The following PC variants were observed in gnomAD, a reference collection of about 807,000 sequenced individuals.
PC encodes pyruvate carboxylase, also known as pyruvate carboxylase, mitochondrial.
In PC, 46 loss-of-function variants were observed where a neutral mutation model predicts 107.8. The observed-to-expected ratio is 0.43, with a 90% CI of 0.34 to 0.55. The LOEUF (loss-of-function observed/expected upper bound fraction) is 0.55, where lower values mean the gene tolerates loss of function less well. Among genes scored for constraint, PC ranks in the 20% least tolerant of loss-of-function variants. The probability of loss-of-function intolerance (pLI) is 0.04; values close to 1 mark genes in which losing one functional copy is unlikely to be tolerated. For synonymous variants in PC, 662 were observed against 684.7 expected (o/e 0.97, Z 0.52); for missense variants, 1,241 against 1,643.1 (o/e 0.76, Z 4.23).
At chr11:66,885,440 G>A (rs765031698) in intron 3 of PC, among the ~76,000 whole-genome samples, 6 of 148,418 alleles carry the variant, frequency 4.0e-5, no homozygotes, top group East Asian at 2.0e-4. Flanking sequence ...GCAGTGAGCC[G>A]AGATGGCGCC....
chr11:66,935,106 T>C (rs1948963323), intron 3 of PC, among the ~76,000 whole-genome samples: 1 of 152,132 alleles, frequency 6.6e-6, no homozygotes, highest in Admixed American at 6.5e-5. Flanking sequence ...CAGCATCCAG[T>C]AAGGAGCTGT....
intron 3 of PC, among the ~76,000 whole-genome samples, chr11:66,893,017 A>G (rs940533310): frequency 6.6e-6 from 1 of 152,154 alleles, no homozygotes; most frequent in African/African-American, 2.4e-5. Context: ...TGCAGTGGAA[A>G]TATCTTTTAA....
In PC at chr11:66,870,082, G is replaced by C. The variant is rs1467836359; in HGVS notation, c.903+220C>G. Among the ~76,000 whole-genome samples, 1 of 152,130 alleles carries C rather than the reference G, an allele frequency of 6.6e-6. No homozygotes were observed. The highest frequency in any genetic ancestry group is 6.5e-5 in the Admixed American group (1 of 15,284). On this transcript the variant is annotated intron_variant, in intron 9 of 22. Transcript: ENST00000393960. The surrounding 1 kb of genome is among the most constrained non-coding windows in gnomAD (Gnocchi z 6.1). ...TTCCCTCCCTCTTCTCAGCCATCCT[G>C]GACTCTAAGCTTGGCCTCTGGGCCA...
chr11:66,906,236 G>A (rs77817940), intron 3 of PC, among the ~76,000 whole-genome samples: 9,848 of 152,210 alleles, frequency 0.065, 764 homozygotes, highest in Admixed American at 0.23. Context: ...ACTTCTGAAC[G>A]AGCCTTTACA....
At chr11:66,892,182 G>C (rs1244848174) in intron 3 of PC, among the ~76,000 whole-genome samples, 1 of 152,212 alleles carries the variant, frequency 6.6e-6, no homozygotes, top group Non-Finnish European at 1.5e-5. Context: ...CCGGGAACAA[G>C]GCTGCGAGGC....
chr11:66,949,966 T>C (rs1480855478), intron 3 of PC, among the ~76,000 whole-genome samples: 1 of 152,174 alleles, frequency 6.6e-6, no homozygotes, highest in Admixed American at 6.5e-5. Flanking sequence ...CCAAGTCGCT[T>C]AGTCTCTAGT....
chr11:66,883,207 G>A (rs1242865849), intron 3 of PC, among the ~76,000 whole-genome samples: 5 of 152,198 alleles, frequency 3.3e-5, no homozygotes, highest in South Asian at 2.1e-4. Context: ...CCATGGTCTC[G>A]GGACTTGTGG....
chr11:66,859,014 G>A, intron 12 of PC: 1 of 1,514,046 alleles, frequency 6.6e-7, no homozygotes, highest in Non-Finnish European at 8.8e-7. Flanking sequence ...GGTGAGCTGG[G>A]GTCCCGGGCG....
intron 3 of PC, among the ~76,000 whole-genome samples, chr11:66,881,152 G>GA: frequency 6.6e-6 from 1 of 152,298 alleles, no homozygotes; most frequent in African/African-American, 2.4e-5. Context: ...GTGAGTGAGA[G>GA]AAAAGCAACC....
intron 3 of PC, among the ~76,000 whole-genome samples, chr11:66,905,320 G>A (rs1192620287): frequency 1.3e-5 from 2 of 152,196 alleles, no homozygotes; most frequent in Non-Finnish European, 2.9e-5. Flanking sequence ...GGGTGCCAAC[G>A]CCTGCTGTGT....
intron 3 of PC, among the ~76,000 whole-genome samples, chr11:66,903,789 T>TATAC (rs1555039122): frequency 2.6e-4 from 32 of 124,060 alleles, no homozygotes; most frequent in Non-Finnish European, 5.3e-4. Context: ...TATATATATA[T>TATAC]ATACACACAC....
At chr11:66,853,508 C>G in intron 12 of PC, 125 bp from the exon 13 acceptor site, 2 of 1,125,560 alleles carry the variant, frequency 1.8e-6, no homozygotes, top group Middle Eastern at 2.0e-4. Flanking sequence ...CTGGGCCTCC[C>G]TGCAGAGGGG....
At chr11:66,936,834 GTCT>G (rs775828208) in intron 3 of PC, among the ~76,000 whole-genome samples, 2 of 152,030 alleles carry the variant, frequency 1.3e-5, no homozygotes, top group Admixed American at 6.6e-5. Context: ...TAAAAGATAG[GTCT>G]TCTTTTTTTT....
intron 1 of PC, among the ~76,000 whole-genome samples, chr11:66,955,781 C>CT (rs1055331409): frequency 1.7e-4 from 25 of 148,648 alleles, no homozygotes; most frequent in South Asian, 4.3e-4. Context: ...TTTTTTTTTT[C>CT]TTTTTTTTTG....
chr11:66,932,122 T>C (rs186531154), intron 3 of PC, among the ~76,000 whole-genome samples: 4 of 152,062 alleles, frequency 2.6e-5, no homozygotes, highest in Admixed American at 2.6e-4. Flanking sequence ...TAACCGGAAG[T>C]GGCCTCCTGG....
chr11:66,946,621 A>C (rs917280559), intron 3 of PC, among the ~76,000 whole-genome samples: 1 of 151,284 alleles, frequency 6.6e-6, no homozygotes, highest in Admixed American at 6.6e-5. Flanking sequence ...ACTCCATCTC[A>C]AAAAAAAAAT....
Position 66,849,247 on chromosome 11 carries a change from C to A in PC, c.3271G>T (p.Asp1091Tyr), listed in dbSNP as rs777830995. The stretch of plus-strand genomic sequence containing the variant: ...GACAATACCTTCATGGCCTGGGTGT[C>A]CTTGACCAAGATGGACCGCAGCTGC... ...NGQLRSILVK[D>Y]TQAMKEMHFH... The change falls in exon 22 of 23, where the codon GAC becomes TAC. Residue 1091 changes from aspartate (D) to tyrosine (Y), a missense_variant. Physicochemically the swap from Asp to Tyr is radical, Grantham distance 160. Around this residue, in one of 2 missense-constraint regions of PC, gnomAD observed 1,143 missense variants for 1,551.9 expected, o/e 0.74. Transcript: ENST00000393960. 1.9e-6 allele frequency: 3 copies of A among 1,613,618 alleles called. No individual in the cohort carries two copies. Among genetic ancestry groups the A allele is most frequent in the Non-Finnish European group, 2.5e-6 (3 of 1,180,044 alleles).
intron 3 of PC, among the ~76,000 whole-genome samples, chr11:66,951,371 C>T (rs1420166869): frequency 2.0e-5 from 3 of 152,022 alleles, no homozygotes; most frequent in Non-Finnish European, 4.4e-5. Flanking sequence ...TAGCAGGGGA[C>T]CGGCGGGAGG....
chr11:66,866,625 C>T lies in PC; in HGVS notation c.1023-276G>A, dbSNP rs914285347. Among the ~76,000 whole-genome samples, 1 of 152,214 alleles carries T rather than the reference C, an allele frequency of 6.6e-6. No homozygotes were observed. Among genetic ancestry groups the T allele is most frequent in the South Asian group, 2.1e-4 (1 of 4,832 alleles). On this transcript the variant is annotated intron_variant, in intron 10 of 22. Coordinates refer to ENST00000393960, the MANE Select transcript of PC (RefSeq NM_001040716.2). This position sits in a 1 kb window ranked among gnomAD's most constrained non-coding sequence, Gnocchi z 5.4. ...ACCACCTGCTCCTGCATTCCTGACTCACGGTGCCGTCCACACAGCCCTAAG... is the reference window on the plus strand; with the variant it reads ...ACCACCTGCTCCTGCATTCCTGACTTACGGTGCCGTCCACACAGCCCTAAG...
Sources: gnomAD v4.1 joint callset for allele counts (sites outside exome capture counted in the v4.1 genomes callset) on GRCh38, gnomAD v4.1.1 for gene constraint, gnomAD v4.1.1 regional missense constraint, Gnocchi (gnomAD v3.1) non-coding constraint, MANE v1.5 for transcripts, NCBI Gene and HGNC (gene_info 2026-07-23, HGNC 2026-07-21) for gene names.